The following TENM3 variants were observed in gnomAD, a reference collection of about 807,000 sequenced individuals.
The protein encoded by TENM3 is teneurin-3.
TENM3 carries 63 observed loss-of-function variants against 255.1 expected under a neutral mutation model. The ratio of observed to expected loss-of-function variants is 0.25; its 90% confidence interval spans 0.20 to 0.30. The LOEUF (loss-of-function observed/expected upper bound fraction) is 0.30. TENM3 is among the 10% of genes least tolerant of loss of function. The pLI is 1.00. For synonymous variants in TENM3, 1,306 were observed against 1,322.3 expected (o/e 0.99, Z 0.27); for missense variants, 2,929 against 3,461.1 (o/e 0.85, Z 3.86).
At chr4:182,689,702 A>G (rs1319142020) in intron 12 of TENM3, among the ~76,000 whole-genome samples, 1 of 152,228 alleles carries the variant, frequency 6.6e-6, no homozygotes. Context: ...ACGAATCGAC[A>G]TATTTGCAGT....
chr4:181,937,366 C>T, the TENM3 span, among the ~76,000 whole-genome samples: 1 of 152,284 alleles, frequency 6.6e-6, no homozygotes, highest in African/African-American at 2.4e-5. Flanking sequence ...AGGCATGACC[C>T]AGTTTATACT....
chr4:182,005,150 A>G, the TENM3 span, among the ~76,000 whole-genome samples: 3 of 152,204 alleles, frequency 2.0e-5, no homozygotes, highest in African/African-American at 7.2e-5. Context: ...GCCCATGCCT[A>G]TGTCCTGAAT....
At chr4:181,605,134 G>A in the TENM3 span, among the ~76,000 whole-genome samples, 1,003 of 152,072 alleles carry the variant, frequency 6.6e-3, 18 homozygotes, top group African/African-American at 0.022. Flanking sequence ...AAAGAAATAC[G>A]TAAGGGACCA....
intron 1 of TENM3, among the ~76,000 whole-genome samples, chr4:182,277,416 A>G (rs1377310850): frequency 6.6e-6 from 1 of 152,020 alleles, no homozygotes; most frequent in Non-Finnish European, 1.5e-5. Context: ...GAAACCAGGT[A>G]TTTTCAAGCA....
chr4:181,833,214 G>C, the TENM3 span, among the ~76,000 whole-genome samples: 5 of 152,078 alleles, frequency 3.3e-5, no homozygotes, highest in African/African-American at 4.8e-5. Flanking sequence ...GATCACTGGC[G>C]CTGGCATCTC....
chr4:181,549,208 A>G, the TENM3 span, among the ~76,000 whole-genome samples: 1 of 152,146 alleles, frequency 6.6e-6, no homozygotes, highest in East Asian at 1.9e-4. Context: ...GACTAGGGAG[A>G]AACAGTGCCA....
chr4:182,508,494 A>G (rs947373148), intron 3 of TENM3, among the ~76,000 whole-genome samples: 13 of 152,208 alleles, frequency 8.5e-5, no homozygotes, highest in African/African-American at 3.1e-4. Context: ...CATTATTTCA[A>G]CTTCATGAAA....
At chr4:181,508,892 C>CT in the TENM3 span, among the ~76,000 whole-genome samples, 10,524 of 53,916 alleles carry the variant, frequency 0.2, 2,499 homozygotes, top group African/African-American at 0.24. Context: ...ATTTCCAACA[C>CT]TTTTTTTTTT....
chr4:182,068,117 A>G, the TENM3 span, among the ~76,000 whole-genome samples: 2 of 152,134 alleles, frequency 1.3e-5, no homozygotes, highest in African/African-American at 4.8e-5. Context: ...TCTGTAGTTG[A>G]TGGGTGGCAG....
At chr4:182,316,889 T>G (rs909046739) in intron 1 of TENM3, among the ~76,000 whole-genome samples, 1 of 152,208 alleles carries the variant, frequency 6.6e-6, no homozygotes, top group African/African-American at 2.4e-5. Context: ...GGGTCCCCCT[T>G]CCTGTGCTAC....
chr4:181,778,803 G>C, the TENM3 span, among the ~76,000 whole-genome samples: 2 of 152,058 alleles, frequency 1.3e-5, no homozygotes, highest in Non-Finnish European at 1.5e-5. Context: ...ACCTTTTCTT[G>C]TTTGTCCAAG....
At chr4:181,491,204 T>A in the TENM3 span, among the ~76,000 whole-genome samples, 1 of 152,058 alleles carries the variant, frequency 6.6e-6, no homozygotes, top group African/African-American at 2.4e-5. Context: ...AAATGCTATA[T>A]TAAACAGGAA....
chr4:181,691,298 A>T, the TENM3 span, among the ~76,000 whole-genome samples: 1 of 152,104 alleles, frequency 6.6e-6, no homozygotes, highest in Non-Finnish European at 1.5e-5. Context: ...AAGTGTGTGT[A>T]TAAGTATATG....
At chr4:181,875,347 T>G in the TENM3 span, among the ~76,000 whole-genome samples, 52 of 152,288 alleles carry the variant, frequency 3.4e-4, no homozygotes, top group Admixed American at 3.3e-3. Context: ...AAATTTACCT[T>G]CATTATTCAT....
At chr4:182,565,895 GC>G (rs1180618568) in intron 3 of TENM3, among the ~76,000 whole-genome samples, 1 of 152,088 alleles carries the variant, frequency 6.6e-6, no homozygotes, top group East Asian at 1.9e-4. Context: ...AACTAGAAGG[GC>G]CCCTTAATTA....
chr4:181,820,473 G>C, the TENM3 span, among the ~76,000 whole-genome samples: 1 of 141,756 alleles, frequency 7.1e-6, no homozygotes. Context: ...CGTTTAACTA[G>C]AAATTTTCTT....
intron 2 of TENM3, among the ~76,000 whole-genome samples, chr4:182,325,099 A>G (rs1763304560): frequency 6.6e-6 from 1 of 152,246 alleles, no homozygotes; most frequent in Non-Finnish European, 1.5e-5. Flanking sequence ...TGTAATGTGC[A>G]GTATAATTTA....
Position 182,662,675 on chromosome 4 carries a change from C to T in TENM3, c.1111+8782C>T, listed in dbSNP as rs138365292. ...GGCCTTTTTTTATTTCTTCTGAAGCCAAAGTTTTCTGGAATTCGGGACATG... is the reference window on the plus strand; with the variant it reads ...GGCCTTTTTTTATTTCTTCTGAAGCTAAAGTTTTCTGGAATTCGGGACATG... On this transcript the variant is annotated intron_variant, in intron 6 of 27. Transcript: ENST00000511685. Among the ~76,000 whole-genome samples the T allele has an allele frequency of 3.0e-3, 455 of 152,204 alleles. 3 individuals carry two copies. The highest frequency in any genetic ancestry group is 4.8e-3 in the Non-Finnish European group (324 of 68,014).
the TENM3 span, among the ~76,000 whole-genome samples, chr4:182,016,754 A>T: frequency 2.6e-4 from 40 of 152,274 alleles, no homozygotes; most frequent in East Asian, 7.1e-3. Context: ...GGCCATTAAC[A>T]TATAAAGATG....
Sources: allele counts gnomAD v4.1 joint callset (sites outside exome capture counted in the v4.1 genomes callset), GRCh38; gene constraint gnomAD v4.1.1; transcripts MANE v1.5; gene names NCBI Gene and HGNC (gene_info 2026-07-23, HGNC 2026-07-21).